Variants in TLE4 observed in about 807,000 individuals in gnomAD.
The protein encoded by TLE4 is transducin-like enhancer protein 4.
TLE4 carries 8 observed loss-of-function variants against 92.8 expected under a neutral mutation model. The observed-to-expected ratio is 0.09, with a 90% CI of 0.05 to 0.16. The LOEUF (loss-of-function observed/expected upper bound fraction) is 0.16. Ranked by LOEUF, TLE4 falls within the 10% of genes least tolerant of loss-of-function variation. The pLI, the probability that TLE4 is intolerant of heterozygous loss-of-function variation, is 1.00. For missense variants in TLE4, 675 were observed against 997.6 expected, an observed-to-expected ratio of 0.68 and a Z score of 4.36; for synonymous variants, 371 against 374.1, an observed-to-expected ratio of 0.99 and a Z score of 0.10.
intron 5 of TLE4, among the ~76,000 whole-genome samples, chr9:79,615,348 C>T (rs1314454146): frequency 6.6e-6 from 1 of 152,138 alleles, no homozygotes; most frequent in Non-Finnish European, 1.5e-5. Flanking sequence ...GACAGTCTCG[C>T]TACCAAAACG....
chr9:79,640,165 G>T (rs1229658955), intron 6 of TLE4, among the ~76,000 whole-genome samples: 1 of 152,000 alleles, frequency 6.6e-6, no homozygotes, highest in Non-Finnish European at 1.5e-5. Context: ...ACTCAGATGG[G>T]GCAGAAGAGA....
At chr9:79,616,196 GGAT>G (rs2049549153) in intron 5 of TLE4, among the ~76,000 whole-genome samples, 1 of 152,188 alleles carries the variant, frequency 6.6e-6, no homozygotes. Context: ...AGAGATGCCA[GGAT>G]GATGACAGTT....
intron 8 of TLE4, among the ~76,000 whole-genome samples, chr9:79,681,465 TA>T (rs1265559476): frequency 6.6e-6 from 1 of 152,172 alleles, no homozygotes; most frequent in African/African-American, 2.4e-5. Flanking sequence ...GTTCATTGGA[TA>T]TAGGCTCTTT....
intron 4 of TLE4, among the ~76,000 whole-genome samples, chr9:79,583,057 T>C (rs928601678): frequency 2.0e-5 from 3 of 152,198 alleles, no homozygotes; most frequent in Admixed American, 2.0e-4. Flanking sequence ...AGCTGTTTTG[T>C]CTTTGCCTTA....
In TLE4 at chr9:79,726,854, A is replaced by T. The variant is rs1286501006; in HGVS notation, c.*1710A>T. ...AGTTTTTTCAAGGGAGATTGTTGTTAAAGTAAAGTGGTTTTTTTTGTTGTT... is the reference window on the plus strand; with the variant it reads ...AGTTTTTTCAAGGGAGATTGTTGTTTAAGTAAAGTGGTTTTTTTTGTTGTT... On this transcript the variant is annotated 3_prime_UTR_variant, in exon 20 of 20. Coordinates refer to ENST00000376552, the MANE Select transcript of TLE4 (RefSeq NM_007005.6). 1 of 152,434 alleles carries T rather than the reference A, an allele frequency of 6.6e-6. No individual in the cohort carries two copies. Among genetic ancestry groups the T allele is most frequent in the African/African-American group, 2.4e-5 (1 of 41,424 alleles). The allele number at this position is 152,434 out of a possible 1,614,324, so 9.4% of individuals were successfully genotyped here. A position where few individuals can be genotyped will look rare whatever the true frequency, so the allele number is the denominator to read the frequency against.
intron 8 of TLE4, 181 bp from the exon 9 acceptor site, chr9:79,704,602 C>T: frequency 1.4e-6 from 1 of 709,210 alleles, no homozygotes; most frequent in Non-Finnish European, 2.2e-6. Flanking sequence ...TGCTACTTGT[C>T]TTTCCCTTTA....
chr9:79,666,191 GTGT>G (rs2061363713), intron 8 of TLE4, among the ~76,000 whole-genome samples: 8 of 146,288 alleles, frequency 5.5e-5, no homozygotes, highest in East Asian at 2.0e-4. Context: ...GTGTGTGTGT[GTGT>G]GTGGGTGGGG....
intron 5 of TLE4, among the ~76,000 whole-genome samples, chr9:79,619,702 C>T (rs2050492746): frequency 6.6e-6 from 1 of 152,114 alleles, no homozygotes; most frequent in Non-Finnish European, 1.5e-5. Context: ...CAGTTGGAGC[C>T]ATTTTGTCAG....
chr9:79,680,701 T>A lies in TLE4; in HGVS notation c.610-24082T>A, dbSNP rs578131423. 3.5e-3 allele frequency among the ~76,000 whole-genome samples: 528 copies of A among 152,294 alleles called. 6 individuals are homozygous for A. Among genetic ancestry groups the A allele is most frequent in the African/African-American group, 0.012 (485 of 41,558 alleles). ...GGTGAGAGAGGGCATCCCTGTCTTG[T>A]GCCAGTTTTCAAAGGGAATGCTTCC... On this transcript the variant is annotated intron_variant, in intron 8 of 19. Coordinates refer to ENST00000376552, the MANE Select transcript of TLE4 (RefSeq NM_007005.6).
intron 14 of TLE4, among the ~76,000 whole-genome samples, chr9:79,715,910 C>CTGTG (rs2074405486): frequency 6.6e-6 from 1 of 152,204 alleles, no homozygotes; most frequent in Non-Finnish European, 1.5e-5. Flanking sequence ...GTACAACCTA[C>CTGTG]TGTGGCTCCA....
chr9:79,586,445 G>A lies in TLE4; in HGVS notation c.252+10268G>A, dbSNP rs141434965. Among the ~76,000 whole-genome samples, 56 of 152,162 alleles carry A rather than the reference G, an allele frequency of 3.7e-4. 1 individual carries two copies. The highest frequency in any genetic ancestry group is 1.3e-3 in the African/African-American group (55 of 41,510). Reference sequence around the variant, plus strand: ...GATCCAATAATTTTCTTCCAAAGATGTGCAAAGGGACTATGTAGCAGTTTA... The same window carrying A: ...GATCCAATAATTTTCTTCCAAAGATATGCAAAGGGACTATGTAGCAGTTTA... On this transcript the variant is annotated intron_variant, in intron 4 of 19. Transcript: ENST00000376552.
intron 6 of TLE4, among the ~76,000 whole-genome samples, chr9:79,638,866 G>C (rs1306467277): frequency 2.0e-5 from 3 of 152,124 alleles, no homozygotes; most frequent in African/African-American, 7.2e-5. Flanking sequence ...TCTGAGCAAA[G>C]ATAGATGTCG....
At chr9:79,597,250 T>G (rs1441886486) in intron 4 of TLE4, among the ~76,000 whole-genome samples, 1 of 152,146 alleles carries the variant, frequency 6.6e-6, no homozygotes, top group Non-Finnish European at 1.5e-5. Flanking sequence ...TCTCCAGGCT[T>G]TTTGTCTGCA....
chr9:79,630,018 G>A (rs1229473028), intron 6 of TLE4, among the ~76,000 whole-genome samples: 1 of 152,182 alleles, frequency 6.6e-6, no homozygotes, highest in Non-Finnish European at 1.5e-5. Flanking sequence ...GTAGTCAGCA[G>A]TGATTTTCTG....
chr9:79,592,360 C>T (rs1206664283), intron 4 of TLE4, among the ~76,000 whole-genome samples: 1 of 150,316 alleles, frequency 6.7e-6, no homozygotes, highest in Non-Finnish European at 1.5e-5. Context: ...ACTGCAGCCT[C>T]AGCCTCCTGG....
intron 4 of TLE4, among the ~76,000 whole-genome samples, chr9:79,597,126 T>C (rs1329636923): frequency 6.6e-6 from 1 of 152,186 alleles, no homozygotes; most frequent in East Asian, 1.9e-4. Flanking sequence ...TCTAATCTAG[T>C]GAAGCCACAT....
chr9:79,653,964 G>C, intron 7 of TLE4, 95 bp from the exon 8 acceptor site: 3 of 1,366,252 alleles, frequency 2.2e-6, no homozygotes, highest in Non-Finnish European at 3.1e-6. Context: ...GATCAAGTTT[G>C]ATAAATCAGT....
chr9:79,615,213 G>C (rs375578083), intron 5 of TLE4, among the ~76,000 whole-genome samples: 46 of 152,116 alleles, frequency 3.0e-4, no homozygotes, highest in African/African-American at 1.1e-3. Flanking sequence ...CAGGTTAGTA[G>C]AGGAAGATGA....
At chr9:79,611,287 A>G (rs1004931822) in intron 4 of TLE4, among the ~76,000 whole-genome samples, 1 of 152,062 alleles carries the variant, frequency 6.6e-6, no homozygotes, top group Non-Finnish European at 1.5e-5. Flanking sequence ...AGGTCAGCAC[A>G]GTTGGGTCCT....
Sources: gnomAD v4.1 joint callset for allele counts (sites outside exome capture counted in the v4.1 genomes callset) on GRCh38, gnomAD v4.1.1 for gene constraint, MANE v1.5 for transcripts, NCBI Gene and HGNC (gene_info 2026-07-23, HGNC 2026-07-21) for gene names.